Variants in GMDS observed in about 807,000 individuals in gnomAD.
GMDS encodes the protein GDP-mannose 4,6 dehydratase.
Under a neutral mutation model 49.9 loss-of-function variants are expected in GMDS, and 20 were observed. The observed-to-expected ratio is 0.40, with a 90% CI of 0.28 to 0.58. GMDS has a LOEUF of 0.58. Ranked by LOEUF, GMDS falls within the 20% of genes least tolerant of loss-of-function variation. The pLI is 0.42. For synonymous variants in GMDS, 177 were observed against 178.6 expected (o/e 0.99, Z 0.07); for missense variants, 362 against 481.4 (o/e 0.75, Z 2.32).
At chr6:2,082,120 G>A (rs1772745218) in intron 4 of GMDS, among the ~76,000 whole-genome samples, 1 of 152,124 alleles carries the variant, frequency 6.6e-6, no homozygotes, top group Non-Finnish European at 1.5e-5. Flanking sequence ...TCAAGATGAA[G>A]AAAGTAATGA....
intron 7 of GMDS, among the ~76,000 whole-genome samples, chr6:1,757,224 C>A (rs142977478): frequency 6.6e-6 from 1 of 152,324 alleles, no homozygotes; most frequent in Non-Finnish European, 1.5e-5. Flanking sequence ...ACGACGCATA[C>A]ACCTGGGATA....
At chr6:2,194,447 A>G (rs1256194841) in intron 1 of GMDS, among the ~76,000 whole-genome samples, 3 of 152,242 alleles carry the variant, frequency 2.0e-5, no homozygotes, top group African/African-American at 7.2e-5. Context: ...ATACATATAT[A>G]GTTGTTTAAA....
At chr6:1,860,205 A>G (rs566372824) in intron 7 of GMDS, among the ~76,000 whole-genome samples, 2 of 152,368 alleles carry the variant, frequency 1.3e-5, no homozygotes, top group South Asian at 2.1e-4. Flanking sequence ...GATATGTAAT[A>G]AAAATCTTAT....
intron 6 of GMDS, among the ~76,000 whole-genome samples, chr6:1,931,492 T>TA (rs1762282745): frequency 6.6e-6 from 1 of 152,178 alleles, no homozygotes; most frequent in African/African-American, 2.4e-5. Flanking sequence ...ATTCAGATGG[T>TA]ATGTTAAGAA....
intron 4 of GMDS, among the ~76,000 whole-genome samples, chr6:1,977,093 G>GA (rs1554140753): frequency 6.6e-6 from 1 of 151,950 alleles, no homozygotes; most frequent in East Asian, 1.9e-4. Context: ...AAGTAAAGGG[G>GA]AAAAAAATCA....
chr6:1,677,448 A>G (rs1764660754), intron 9 of GMDS, among the ~76,000 whole-genome samples: 1 of 152,218 alleles, frequency 6.6e-6, no homozygotes, highest in African/African-American at 2.4e-5. Flanking sequence ...ATTACTGGGC[A>G]TATACCCACA....
chr6:2,215,449 T>C (rs151235187), intron 1 of GMDS, among the ~76,000 whole-genome samples: 3,396 of 152,170 alleles, frequency 0.022, 142 homozygotes, highest in African/African-American at 0.075. Context: ...TCAGATCTCA[T>C]GAGACTCACT....
chr6:2,154,464 T>C (rs905524564), intron 1 of GMDS, among the ~76,000 whole-genome samples: 4 of 152,248 alleles, frequency 2.6e-5, no homozygotes, highest in Non-Finnish European at 2.9e-5. Flanking sequence ...ATATTCAAAA[T>C]TAAATTAAGA....
chr6:2,097,621 T>A (rs1177876279), intron 4 of GMDS, among the ~76,000 whole-genome samples: 1 of 152,110 alleles, frequency 6.6e-6, no homozygotes, highest in Non-Finnish European at 1.5e-5. Context: ...AGGAAAGGCT[T>A]TGAAAGAATT....
At chr6:1,649,517 G>T (rs1170191604) in intron 9 of GMDS, among the ~76,000 whole-genome samples, 2 of 151,992 alleles carry the variant, frequency 1.3e-5, no homozygotes, top group African/African-American at 4.8e-5. Flanking sequence ...CTCATAATAC[G>T]CCATTAAAGC....
intron 9 of GMDS, among the ~76,000 whole-genome samples, chr6:1,694,353 G>C (rs1347347634): frequency 6.6e-6 from 1 of 152,176 alleles, no homozygotes; most frequent in Non-Finnish European, 1.5e-5. Context: ...AAATGATACA[G>C]TATCATGTAC....
chr6:1,700,097 C>T (rs987510002), intron 9 of GMDS, among the ~76,000 whole-genome samples: 3 of 152,222 alleles, frequency 2.0e-5, no homozygotes, highest in Admixed American at 1.3e-4. Context: ...AGTGTATGAG[C>T]TCCCACAAAA....
intron 7 of GMDS, among the ~76,000 whole-genome samples, chr6:1,857,057 T>A (rs1203220839): frequency 1.3e-5 from 2 of 152,236 alleles, no homozygotes; most frequent in Non-Finnish European, 2.9e-5. Context: ...GAGTTCCCTG[T>A]GCTTTCCAGA....
rs938821461 is a variant in GMDS at position 1,635,584 on chromosome 6, G to A, written c.988-11044C>T. On this transcript the variant is annotated intron_variant, in intron 9 of 10. Transcript: ENST00000380815. The surrounding 1 kb of genome is among the most constrained non-coding windows in gnomAD (Gnocchi z 4.7). ...GGGGACTCCGAGGGCGACACTGTGC[G>A]GCGACCCTTGGCAGGTGCTTTGTTT... Among the ~76,000 whole-genome samples, 4 of 152,182 alleles carry A rather than the reference G, an allele frequency of 2.6e-5. No individual in the cohort carries two copies. Among genetic ancestry groups the A allele is most frequent in the Admixed American group, 6.5e-5 (1 of 15,280 alleles).
At chr6:2,230,930 T>TCCCCCCCCCCCCCCCCCCCCCCCC (rs797010185) in intron 1 of GMDS, among the ~76,000 whole-genome samples, 5 of 14,538 alleles carry the variant, frequency 3.4e-4, no homozygotes, top group Non-Finnish European at 5.0e-4. Flanking sequence ...AGTATTCTCT[T>TCCCCCCCCCCCCCCCCCCCCCCCC]CCCCCCTCCC....
chr6:1,845,305 T>G (rs1193462185), intron 7 of GMDS, among the ~76,000 whole-genome samples: 1 of 152,198 alleles, frequency 6.6e-6, no homozygotes, highest in Non-Finnish European at 1.5e-5. Flanking sequence ...TAGTTTATTA[T>G]CCCATATTCA....
intron 1 of GMDS, among the ~76,000 whole-genome samples, chr6:2,156,742 T>C (rs745424292): frequency 5.3e-5 from 8 of 152,200 alleles, no homozygotes; most frequent in Non-Finnish European, 1.2e-4. Context: ...GGGGTAGATA[T>C]TATGTTTATC....
intron 4 of GMDS, among the ~76,000 whole-genome samples, chr6:1,968,185 T>C (rs1034429685): frequency 6.6e-6 from 1 of 152,218 alleles, no homozygotes; most frequent in Admixed American, 6.5e-5. Context: ...GCTAACCAAG[T>C]AGGATAAGAT....
At chr6:1,713,449 C>T (rs994572887) in intron 9 of GMDS, among the ~76,000 whole-genome samples, 4 of 152,250 alleles carry the variant, frequency 2.6e-5, no homozygotes, top group African/African-American at 4.8e-5. Flanking sequence ...GTCTCCGCCC[C>T]GTGGCTCCCT....
Sources: gnomAD v4.1 joint callset for allele counts (sites outside exome capture counted in the v4.1 genomes callset) on GRCh38, gnomAD v4.1.1 for gene constraint, Gnocchi (gnomAD v3.1) non-coding constraint, MANE v1.5 for transcripts, NCBI Gene and HGNC (gene_info 2026-07-23, HGNC 2026-07-21) for gene names.